The following GPC5 variants were observed in gnomAD, a reference collection of about 807,000 sequenced individuals.
The protein encoded by GPC5 is glypican-5.
In GPC5, 47 loss-of-function variants were observed where a neutral mutation model predicts 53.9. That is an observed-to-expected ratio of 0.87 (90% CI 0.69 to 1.11). The LOEUF is 1.11. Among genes scored for constraint, GPC5 ranks in the 50% most tolerant of loss-of-function variants. The pLI is 0.00. For missense variants in GPC5, 748 were observed against 713.1 expected, an observed-to-expected ratio of 1.05 and a Z score of -0.56; for synonymous variants, 286 against 263.3, an observed-to-expected ratio of 1.09 and a Z score of -0.84.
At chr13:91,484,376 G>GTTTTTT (rs1323047679) in intron 2 of GPC5, among the ~76,000 whole-genome samples, 1 of 152,132 alleles carries the variant, frequency 6.6e-6, no homozygotes, top group East Asian at 1.9e-4. Context: ...AAAAAAGCAT[G>GTTTTTT]TTTTATATAT....
intron 7 of GPC5, among the ~76,000 whole-genome samples, chr13:92,366,588 T>C (rs1380731516): frequency 2.0e-5 from 3 of 152,144 alleles, no homozygotes; most frequent in Non-Finnish European, 2.9e-5. Flanking sequence ...CAGATTTCTT[T>C]ATTTTTAAAC....
At chr13:92,392,304 A>T (rs1875042887) in intron 7 of GPC5, among the ~76,000 whole-genome samples, 1 of 152,108 alleles carries the variant, frequency 6.6e-6, no homozygotes, top group African/African-American at 2.4e-5. Flanking sequence ...AATGGGGAAA[A>T]GGCTCCCTAT....
intron 6 of GPC5, among the ~76,000 whole-genome samples, chr13:91,959,047 G>C (rs918847234): frequency 2.2e-4 from 29 of 133,394 alleles, no homozygotes; most frequent in Non-Finnish European, 4.4e-4. Flanking sequence ...GAACCAAACA[G>C]AATGGAGACA....
rs186961182 is a variant in GPC5 at position 91,901,795 on chromosome 13, A to G, written c.1281-6142A>G. Among the ~76,000 whole-genome samples the G allele has an allele frequency of 4.4e-3, 666 of 152,162 alleles. 7 individuals carry two copies. Among genetic ancestry groups the G allele is most frequent in the African/African-American group, 0.015 (622 of 41,550 alleles). ...GAGCCAAAGATAAAACCAGTGTTTAATCTCCTAGAAATTAGGAGATTTATG... is the reference window on the plus strand; with the variant it reads ...GAGCCAAAGATAAAACCAGTGTTTAGTCTCCTAGAAATTAGGAGATTTATG... On this transcript the variant is annotated intron_variant, in intron 5 of 7. Transcript: ENST00000377067.
chr13:92,065,795 A>G (rs1349045264), intron 6 of GPC5, among the ~76,000 whole-genome samples: 1 of 152,142 alleles, frequency 6.6e-6, no homozygotes, highest in East Asian at 1.9e-4. Context: ...TGATATTTAA[A>G]TATTCAAAAA....
chr13:92,354,640 TCAAAAGAGTGC>T (rs2043507595), intron 7 of GPC5, among the ~76,000 whole-genome samples: 1 of 152,168 alleles, frequency 6.6e-6, no homozygotes, highest in Non-Finnish European at 1.5e-5. Context: ...CTGGTAAGAT[TCAAAAGAGTGC>T]ATAACACTGA....
At chr13:92,469,730 C>G (rs1878838070) in intron 7 of GPC5, among the ~76,000 whole-genome samples, 1 of 152,062 alleles carries the variant, frequency 6.6e-6, no homozygotes, top group Non-Finnish European at 1.5e-5. Flanking sequence ...TTTCCCACGT[C>G]TCTTGCAAAG....
chr13:91,519,211 T>G (rs1473163175), intron 2 of GPC5, among the ~76,000 whole-genome samples: 1 of 152,264 alleles, frequency 6.6e-6, no homozygotes, highest in Non-Finnish European at 1.5e-5. Flanking sequence ...CACTGTACCT[T>G]ATGCCTCTAT....
intron 7 of GPC5, among the ~76,000 whole-genome samples, chr13:92,641,986 C>G (rs962151201): frequency 6.6e-6 from 1 of 151,886 alleles, no homozygotes; most frequent in Non-Finnish European, 1.5e-5. Context: ...TATTCTGTTA[C>G]CAGATTTGTA....
intron 7 of GPC5, among the ~76,000 whole-genome samples, chr13:92,416,466 T>C (rs9516076): frequency 0.31 from 47,411 of 152,042 alleles, 8,053 homozygotes; most frequent in Non-Finnish European, 0.38. Flanking sequence ...GACAAAGCAA[T>C]GGAGATAGAA....
chr13:92,488,571 T>C (rs1439918276), intron 7 of GPC5, among the ~76,000 whole-genome samples: 1 of 152,226 alleles, frequency 6.6e-6, no homozygotes, highest in Non-Finnish European at 1.5e-5. Context: ...AGTAGGTTAG[T>C]TATTCCTTGG....
intron 7 of GPC5, among the ~76,000 whole-genome samples, chr13:92,155,739 G>A (rs2041939909): frequency 6.7e-6 from 1 of 148,816 alleles, no homozygotes; most frequent in African/African-American, 2.4e-5. Flanking sequence ...TATTTTTGAA[G>A]GAATTTACAT....
At chr13:92,183,272 C>G (rs1439407240) in intron 7 of GPC5, among the ~76,000 whole-genome samples, 1 of 152,172 alleles carries the variant, frequency 6.6e-6, no homozygotes, top group African/African-American at 2.4e-5. Context: ...GTAATAAGCT[C>G]TTACGAAGTA....
intron 7 of GPC5, among the ~76,000 whole-genome samples, chr13:92,537,315 C>T (rs1343676398): frequency 6.6e-6 from 1 of 152,036 alleles, no homozygotes; most frequent in African/African-American, 2.4e-5. Flanking sequence ...CTAAGAACAA[C>T]TTTTTATCTG....
chr13:91,528,214 A>C (rs1398136460), intron 2 of GPC5, among the ~76,000 whole-genome samples: 2 of 152,160 alleles, frequency 1.3e-5, no homozygotes, highest in Non-Finnish European at 2.9e-5. Flanking sequence ...ATAAGTTACA[A>C]TTTCAATCAT....
Position 92,548,245 on chromosome 13 carries a change from T to G in GPC5, c.1562-318037T>G, listed in dbSNP as rs536456490. On this transcript the variant is annotated intron_variant, in intron 7 of 7. Coordinates refer to ENST00000377067, the MANE Select transcript of GPC5 (RefSeq NM_004466.6). ...CTGAAGATAAAAAGCGTGGTTGGTTTAAGTGGGAAAAATCATCATTTTTAA... is the reference window on the plus strand; with the variant it reads ...CTGAAGATAAAAAGCGTGGTTGGTTGAAGTGGGAAAAATCATCATTTTTAA... Among the ~76,000 whole-genome samples, 3 of 151,988 alleles carry G rather than the reference T, an allele frequency of 2.0e-5. No homozygotes were observed. In the South Asian group the frequency reaches 6.2e-4, roughly 32 times the overall value.
At chr13:92,159,957 C>T (rs1434780197) in intron 7 of GPC5, among the ~76,000 whole-genome samples, 1 of 151,644 alleles carries the variant, frequency 6.6e-6, no homozygotes, top group Non-Finnish European at 1.5e-5. Context: ...GGCTGGAGTG[C>T]AATGGCCCCA....
intron 6 of GPC5, among the ~76,000 whole-genome samples, chr13:91,966,582 A>C (rs1246733572): frequency 6.6e-6 from 1 of 152,192 alleles, no homozygotes; most frequent in African/African-American, 2.4e-5. Context: ...TTTCCTTGCA[A>C]CTTAGGCATG....
chr13:92,147,127 A>G (rs1261542817), intron 7 of GPC5, among the ~76,000 whole-genome samples: 1 of 142,674 alleles, frequency 7.0e-6, no homozygotes, highest in African/African-American at 2.6e-5. Flanking sequence ...CATTTTTATC[A>G]TGGTCAAATA....
Sources: gnomAD v4.1 joint callset for allele counts (sites outside exome capture counted in the v4.1 genomes callset) on GRCh38, gnomAD v4.1.1 for gene constraint, MANE v1.5 for transcripts, NCBI Gene and HGNC (gene_info 2026-07-23, HGNC 2026-07-21) for gene names.